Variants in RAB11FIP2 observed in about 807,000 individuals in gnomAD.
The protein encoded by RAB11FIP2 is RAB11 family interacting protein 2, also known as rab11 family-interacting protein 2.
A neutral mutation model predicts 40.9 loss-of-function variants in RAB11FIP2; 16 were observed. The ratio of observed to expected loss-of-function variants is 0.39; its 90% CI spans 0.26 to 0.59. The LOEUF is 0.59. Ranked by LOEUF, RAB11FIP2 falls within the 20% of genes least tolerant of loss-of-function variation. The probability of loss-of-function intolerance (pLI) is 0.53; values close to 1 mark genes in which losing one functional copy is unlikely to be tolerated. For missense variants in RAB11FIP2, 532 were observed against 606.2 expected, an observed-to-expected ratio of 0.88 and a Z score of 1.28; for synonymous variants, 228 against 213.7, an observed-to-expected ratio of 1.07 and a Z score of -0.58.
In RAB11FIP2 at chr10:118,045,920, G is replaced by T. The variant is rs745566329; in HGVS notation, c.244C>A (p.Leu82Ile). Residue 82 changes from leucine to isoleucine, a missense_variant, in exon 1 of 5, where the codon CTT (leucine) becomes ATT (isoleucine). Coordinates refer to ENST00000355624, the MANE Select transcript of RAB11FIP2 (RefSeq NM_014904.3). ...LIQGSPEKYI[L>I]FLIVMHRSLV... ...GACCTGTGCATAACTATAAGGAAAA[G>T]AATGTATTTCTCTGGACTTCCCTGA... is the stretch of plus-strand genomic sequence containing the variant. The T allele has an allele frequency of 6.2e-6, 10 of 1,614,210 alleles. No homozygotes were observed. Among genetic ancestry groups the T allele is most frequent in the Middle Eastern group, 1.6e-4 (1 of 6,062 alleles).
At chr10:118,013,082 T>C (rs1846176598) in intron 4 of RAB11FIP2, among the ~76,000 whole-genome samples, 1 of 152,118 alleles carries the variant, frequency 6.6e-6, no homozygotes, top group Non-Finnish European at 1.5e-5. Flanking sequence ...CTAGGAAATG[T>C]ACATTTTTTA....
rs1007587494 is a variant in RAB11FIP2, at chr10:118,005,244, T to C, written c.*3754A>G. 11 of 152,664 alleles carry C rather than the reference T, an allele frequency of 7.2e-5. No individual in the cohort carries two copies. The highest frequency in any genetic ancestry group is 2.7e-4 in the African/African-American group (11 of 41,456). The allele number at this position is 152,664 out of a possible 1,614,324, so 9.5% of individuals were successfully genotyped here. On this transcript the variant is annotated 3_prime_UTR_variant, in exon 5 of 5. Coordinates refer to ENST00000355624, the MANE Select transcript of RAB11FIP2 (RefSeq NM_014904.3). ...TAACAGGCCCACATGTATCATGTATTAGACTTCAACTCCACTGTGAGAGTG... is the reference window on the plus strand; with the variant it reads ...TAACAGGCCCACATGTATCATGTATCAGACTTCAACTCCACTGTGAGAGTG...
chr10:118,041,771 A>C (rs561043539), intron 1 of RAB11FIP2, among the ~76,000 whole-genome samples: 1 of 152,156 alleles, frequency 6.6e-6, no homozygotes, highest in Non-Finnish European at 1.5e-5. Flanking sequence ...TACCAGCTAC[A>C]TCTTTGCACG....
In RAB11FIP2 at chr10:118,006,604, T is replaced by C. The variant is rs1389714556; in HGVS notation, c.*2394A>G. 1 of 152,136 alleles carries C rather than the reference T, an allele frequency of 6.6e-6. No individual in the cohort carries two copies. Among genetic ancestry groups the C allele is most frequent in the East Asian group, 1.9e-4 (1 of 5,200 alleles). 9.4% of individuals were successfully genotyped at this position (152,136 alleles called of 1,614,324 possible). On this transcript the variant is annotated 3_prime_UTR_variant, in exon 5 of 5. Transcript: ENST00000355624. ...ACACAGGAAACACTGATATATTTACTTGGGAACTAATTTTTACTTTTTGTT... is the reference window on the plus strand; with the variant it reads ...ACACAGGAAACACTGATATATTTACCTGGGAACTAATTTTTACTTTTTGTT...
rs145027047 is a variant in RAB11FIP2 at position 118,040,255 on chromosome 10, G to A, written c.664C>T (p.Leu222Phe). The A allele has an allele frequency of 1.4e-3, 2,305 of 1,613,716 alleles. 3 individuals are homozygous for A. Among genetic ancestry groups the A allele is most frequent in the Non-Finnish European group, 1.9e-3 (2,202 of 1,179,800 alleles). ...KKPFLLGPQR[L>F]SSAHSMSDLS... is the part of the protein sequence containing the mutation. ...TCAGACATTGAATGCGCTGACGAGA[G>A]TCGCTGAGGACCCAAGAGAAAAGGC... The change falls in exon 2 of 5, where the codon CTC (leucine) becomes TTC (phenylalanine). Residue 222 changes from leucine (L) to phenylalanine (F), a missense_variant. Transcript: ENST00000355624.
chr10:118,038,553 G>A (rs1270881915), intron 3 of RAB11FIP2, among the ~76,000 whole-genome samples: 1 of 152,024 alleles, frequency 6.6e-6, no homozygotes, highest in Non-Finnish European at 1.5e-5. Context: ...ACTGAAGCTG[G>A]CGTTTTTTAA....
At chr10:118,035,246 C>A (rs1310643036) in intron 3 of RAB11FIP2, among the ~76,000 whole-genome samples, 1 of 152,092 alleles carries the variant, frequency 6.6e-6, no homozygotes, top group Non-Finnish European at 1.5e-5. Context: ...CAAGAGTGAG[C>A]AATAAACTTT....
At chr10:118,023,314 T>C (rs553113649) in intron 3 of RAB11FIP2, among the ~76,000 whole-genome samples, 13 of 152,344 alleles carry the variant, frequency 8.5e-5, no homozygotes, top group African/African-American at 2.4e-4. Flanking sequence ...AGAGATTTCA[T>C]TGGAATCTTT....
intron 1 of RAB11FIP2, among the ~76,000 whole-genome samples, chr10:118,042,258 TA>T (rs201860581): frequency 6.6e-6 from 1 of 150,838 alleles, no homozygotes; most frequent in Non-Finnish European, 1.5e-5. Context: ...CAAATATGAG[TA>T]AAAAAAAATT....
At chr10:118,014,573 C>T (rs61864366) in intron 4 of RAB11FIP2, among the ~76,000 whole-genome samples, 12,948 of 152,090 alleles carry the variant, frequency 0.085, 718 homozygotes, top group Non-Finnish European at 0.13. Context: ...TTTGTTCTGA[C>T]GAGAAAGATA....
intron 1 of RAB11FIP2, among the ~76,000 whole-genome samples, chr10:118,044,682 C>A (rs569620525): frequency 1.3e-5 from 2 of 151,966 alleles, no homozygotes; most frequent in Non-Finnish European, 2.9e-5. Flanking sequence ...AACAAAAAAA[C>A]TCCAATCAAG....
intron 1 of RAB11FIP2, among the ~76,000 whole-genome samples, chr10:118,044,162 GGAGTAA>G (rs1846597286): frequency 6.6e-6 from 1 of 152,132 alleles, no homozygotes; most frequent in African/African-American, 2.4e-5. Context: ...CCCAGGACTA[GGAGTAA>G]AACAAGAAGA....
intron 3 of RAB11FIP2, among the ~76,000 whole-genome samples, chr10:118,018,497 T>G (rs1025598133): frequency 2.6e-5 from 4 of 152,216 alleles, no homozygotes; most frequent in African/African-American, 9.6e-5. Context: ...ACTACAGAAT[T>G]TAAACATTTT....
chr10:118,029,138 T>C (rs1539619), intron 3 of RAB11FIP2, among the ~76,000 whole-genome samples: 127,965 of 151,994 alleles, frequency 0.84, 55,507 homozygotes, highest in Non-Finnish European at 0.96. Flanking sequence ...TTTAAAAATG[T>C]TACATTTCAT....
At chr10:118,016,445 G>C (rs946868946) in intron 3 of RAB11FIP2, among the ~76,000 whole-genome samples, 2 of 152,116 alleles carry the variant, frequency 1.3e-5, no homozygotes, top group Non-Finnish European at 2.9e-5. Flanking sequence ...TGGCTTAAAA[G>C]ACAAAAACTA....
intron 3 of RAB11FIP2, among the ~76,000 whole-genome samples, chr10:118,025,246 T>A (rs1846329475): frequency 6.6e-6 from 1 of 152,214 alleles, no homozygotes; most frequent in Non-Finnish European, 1.5e-5. Flanking sequence ...AATTGTACAT[T>A]ATCCTATCCA....
At chr10:118,035,552 G>A (rs1258845486) in intron 3 of RAB11FIP2, among the ~76,000 whole-genome samples, 1 of 152,102 alleles carries the variant, frequency 6.6e-6, no homozygotes, top group Non-Finnish European at 1.5e-5. Flanking sequence ...TGTGCATTAG[G>A]AAACTGGTTT....
chr10:118,039,501 C>T, intron 2 of RAB11FIP2, 61 bp from the exon 3 acceptor site: 2 of 1,387,310 alleles, frequency 1.4e-6, no homozygotes, highest in Non-Finnish European at 1.0e-6. Flanking sequence ...CTATTTGACA[C>T]AGTCTGTGTG....
chr10:118,042,662 T>C (rs1182740099), intron 1 of RAB11FIP2, among the ~76,000 whole-genome samples: 3 of 152,214 alleles, frequency 2.0e-5, no homozygotes, highest in Non-Finnish European at 2.9e-5. Context: ...ATTCAATTTT[T>C]ATTTCTAGAA....
Sources: gnomAD v4.1 joint callset for allele counts (sites outside exome capture counted in the v4.1 genomes callset) on GRCh38, gnomAD v4.1.1 for gene constraint, MANE v1.5 for transcripts, NCBI Gene and HGNC (gene_info 2026-07-23, HGNC 2026-07-21) for gene names.